TGFB2: variants seen among roughly 807,000 people sequenced by gnomAD.
TGFB2 encodes the protein transforming growth factor beta-2 proprotein.
In TGFB2, 13 loss-of-function variants were observed where a neutral mutation model predicts 42.7. The ratio of observed to expected loss-of-function variants is 0.30; its 90% CI spans 0.20 to 0.48. The LOEUF is 0.48. Ranked by LOEUF, TGFB2 falls within the 20% of genes least tolerant of loss-of-function variation. TGFB2 has a pLI of 0.99. For missense variants in TGFB2, 390 were observed against 517.5 expected (o/e 0.75, Z 2.39); for synonymous variants, 193 against 193.6 (o/e 1.00, Z 0.03).
At chr1:218,398,368 T>C (rs1008294303) in intron 1 of TGFB2, among the ~76,000 whole-genome samples, 1 of 152,214 alleles carries the variant, frequency 6.6e-6, no homozygotes, top group African/African-American at 2.4e-5. Context: ...GTAACCAATC[T>C]AAGAGGGAAT....
At chr1:218,379,108 GGT>G (rs1380321769) in intron 1 of TGFB2, among the ~76,000 whole-genome samples, 4 of 150,162 alleles carry the variant, frequency 2.7e-5, no homozygotes, top group Non-Finnish European at 5.9e-5. Flanking sequence ...GAGAACACAT[GGT>G]ACATTTTCTT....
rs7537047 is a variant in TGFB2 at position 218,357,305 on chromosome 1, G to C, written c.346+10258G>C. Among the ~76,000 whole-genome samples, 1,259 of 152,198 alleles carry C rather than the reference G, an allele frequency of 8.3e-3. 19 individuals are homozygous for C. Among genetic ancestry groups the C allele is most frequent in the African/African-American group, 0.028 (1,160 of 41,520 alleles). The stretch of plus-strand genomic sequence containing the variant: ...TCGAGAGTAACTGCAGAGGGTTTGA[G>C]GAGTAGAAATGATATCAGAGAGGGG... On this transcript the variant is annotated intron_variant, in intron 1 of 6. Coordinates refer to ENST00000366930, the MANE Select transcript of TGFB2 (RefSeq NM_003238.6).
At chr1:218,379,485 TTC>T (rs1395992044) in intron 1 of TGFB2, among the ~76,000 whole-genome samples, 8 of 69,328 alleles carry the variant, frequency 1.2e-4, no homozygotes, top group African/African-American at 2.5e-4. Flanking sequence ...CTTTCTTTCT[TTC>T]TTTTTTTTTT....
chr1:218,414,211 A>G (rs1347182867), intron 2 of TGFB2, among the ~76,000 whole-genome samples: 1 of 147,576 alleles, frequency 6.8e-6, no homozygotes, highest in African/African-American at 2.5e-5. Flanking sequence ...TCTTTTTCCT[A>G]ACCCTAAACA....
chr1:218,380,997 AG>A (rs1657940752), intron 1 of TGFB2, among the ~76,000 whole-genome samples: 1 of 152,112 alleles, frequency 6.6e-6, no homozygotes, highest in African/African-American at 2.4e-5. Context: ...CAGCTGAGAG[AG>A]TTAATTACCC....
At chr1:218,373,888 C>A (rs1035449660) in intron 1 of TGFB2, among the ~76,000 whole-genome samples, 1 of 152,028 alleles carries the variant, frequency 6.6e-6, no homozygotes, top group African/African-American at 2.4e-5. Context: ...TTCCTAAGAA[C>A]CTGTGAAAGT....
intron 1 of TGFB2, among the ~76,000 whole-genome samples, chr1:218,367,826 C>G (rs1011066781): frequency 6.6e-6 from 1 of 151,944 alleles, no homozygotes; most frequent in East Asian, 1.9e-4. Context: ...GAGATGGAGT[C>G]TCGCTCCTCG....
intron 1 of TGFB2, among the ~76,000 whole-genome samples, chr1:218,404,874 A>G (rs1658854400): frequency 6.6e-6 from 1 of 152,186 alleles, no homozygotes; most frequent in South Asian, 2.1e-4. Context: ...ATTCAAAACC[A>G]TCTATGATTT....
chr1:218,372,482 A>G lies in TGFB2; in HGVS notation c.346+25435A>G, dbSNP rs150089069. On this transcript the variant is annotated intron_variant, in intron 1 of 6. Transcript: ENST00000366930. ...CTGCTGCTTACCTTGTCCATTGTCTATACTCAGGAGACCAGGAAGGTAACT... is the reference window on the plus strand; with the variant it reads ...CTGCTGCTTACCTTGTCCATTGTCTGTACTCAGGAGACCAGGAAGGTAACT... Among the ~76,000 whole-genome samples the G allele has an allele frequency of 1.9e-3, 295 of 152,286 alleles. 2 individuals carry two copies. Among genetic ancestry groups the G allele is most frequent in the African/African-American group, 6.4e-3 (267 of 41,556 alleles).
chr1:218,363,342 C>A, intron 1 of TGFB2: 2 of 1,613,884 alleles, frequency 1.2e-6, no homozygotes, highest in Middle Eastern at 1.7e-4. Flanking sequence ...AGCTGTCTGC[C>A]CAGTTGTTAC....
At chr1:218,394,285 C>G (rs977171801) in intron 1 of TGFB2, among the ~76,000 whole-genome samples, 19 of 152,226 alleles carry the variant, frequency 1.2e-4, no homozygotes, top group African/African-American at 4.6e-4. Context: ...CCCAGTACAC[C>G]CTACACAAAC....
intron 1 of TGFB2, among the ~76,000 whole-genome samples, chr1:218,382,590 T>G (rs557600728): frequency 6.6e-6 from 1 of 152,316 alleles, no homozygotes; most frequent in Non-Finnish European, 1.5e-5. Flanking sequence ...AATAATAAAT[T>G]TGTTTTGTGG....
chr1:218,415,681 C>T (rs974687974), intron 2 of TGFB2, among the ~76,000 whole-genome samples: 5 of 114,890 alleles, frequency 4.4e-5, no homozygotes, highest in South Asian at 3.0e-4. Flanking sequence ...GGCGACAGAG[C>T]GAGACTCTGT....
intron 1 of TGFB2, among the ~76,000 whole-genome samples, chr1:218,401,817 G>A (rs756731538): frequency 2.0e-5 from 3 of 152,212 alleles, no homozygotes; most frequent in Admixed American, 6.5e-5. Context: ...AGTGGAGGGC[G>A]GGAGCCTGCC....
chr1:218,361,101 C>A (rs1571834783), intron 1 of TGFB2, among the ~76,000 whole-genome samples: 1 of 152,232 alleles, frequency 6.6e-6, no homozygotes, highest in Non-Finnish European at 1.5e-5. Context: ...GGTCTGCCTG[C>A]CTCGGCCTCC....
At chr1:218,397,266 TA>T (rs1246321855) in intron 1 of TGFB2, among the ~76,000 whole-genome samples, 7,984 of 97,394 alleles carry the variant, frequency 0.082, 633 homozygotes, top group African/African-American at 0.24. Flanking sequence ...AGACTCCATC[TA>T]AAAAAAAAAA....
chr1:218,430,289 G>A (rs1345388694), intron 2 of TGFB2, among the ~76,000 whole-genome samples: 4 of 151,930 alleles, frequency 2.6e-5, no homozygotes, highest in African/African-American at 9.7e-5. Flanking sequence ...CAGCTACTCC[G>A]GAGTCTGAGG....
chr1:218,347,933 ATTT>A (rs11406779), intron 1 of TGFB2, among the ~76,000 whole-genome samples: 3 of 129,866 alleles, frequency 2.3e-5, no homozygotes, highest in Non-Finnish European at 1.7e-5. Flanking sequence ...CGACAGCCGT[ATTT>A]TTTTTTTTTT....
At chr1:218,427,599 C>T (rs1659665557) in intron 2 of TGFB2, among the ~76,000 whole-genome samples, 1 of 152,000 alleles carries the variant, frequency 6.6e-6, no homozygotes, top group Non-Finnish European at 1.5e-5. Flanking sequence ...GTTTTCTGTC[C>T]TTGCGATAGT....
Sources: allele counts gnomAD v4.1 joint callset (sites outside exome capture counted in the v4.1 genomes callset), GRCh38; gene constraint gnomAD v4.1.1; transcripts MANE v1.5; gene names NCBI Gene and HGNC (gene_info 2026-07-23, HGNC 2026-07-21).